The following BTBD18 variants were observed in gnomAD, a reference collection of about 807,000 sequenced individuals.
BTBD18 encodes BTB domain containing 18.
For missense variants in BTBD18, 787 were observed against 846.3 expected (o/e 0.93, Z 0.87); for synonymous variants, 311 against 324.4 (o/e 0.96, Z 0.44).
chr11:57,745,635 G>C lies in BTBD18; in HGVS notation c.638C>G (p.Ala213Gly). 1.3e-6 allele frequency: 2 copies of C among 1,551,646 alleles called. No individual in the cohort carries two copies. Among genetic ancestry groups the C allele is most frequent in the Non-Finnish European group, 1.7e-6 (2 of 1,146,978 alleles). ...GTLLLKRKAR[A>G]CPTPQEKNSS... ...GTTTTTTTCTTGTGGAGTTGGGCAG[G>C]CTCTGGCCTTCCTCTTGAGCAGAAG... Residue 213 changes from alanine (A) to glycine (G), a missense_variant, in exon 3 of 3, where the codon GCC (alanine) becomes GGC (glycine). Transcript: ENST00000422652.
Position 57,745,218 on chromosome 11 carries a change from T to C in BTBD18, c.1055A>G (p.Glu352Gly), listed in dbSNP as rs201912857. The change falls in exon 3 of 3, where the codon GAG (glutamate) becomes GGG (glycine). Residue 352 changes from glutamate (E) to glycine (G), a missense_variant. Physicochemically the swap from Glu to Gly is moderately conservative, Grantham distance 98. Coordinates refer to ENST00000422652, the MANE Select transcript of BTBD18 (RefSeq NM_001145101.3). ...VRAPNSDSAE[E>G]GQVGRVKLRK... ...AAGTTTAACTCTCCCAACCTGCCCC[T>C]CCTCTGCAGAGTCTGAGTTAGGTGC... 2,455 of 1,551,650 alleles carry C rather than the reference T, an allele frequency of 1.6e-3. 4 individuals are homozygous for C. Among genetic ancestry groups the C allele is most frequent in the Non-Finnish European group, 2.0e-3 (2,315 of 1,146,968 alleles).
rs1949177718 is a variant in BTBD18, at chr11:57,745,780, T to G, written c.493A>C (p.Thr165Pro). The change falls in exon 3 of 3, where the codon ACC becomes CCC. Residue 165 changes from threonine to proline, a missense_variant. Coordinates refer to ENST00000422652, the MANE Select transcript of BTBD18 (RefSeq NM_001145101.3). ...RVVTPSHHPHTPLPTNQTPCP... is the reference protein window; with the variant it reads ...RVVTPSHHPHPPLPTNQTPCP... The stretch of plus-strand genomic sequence containing the variant: ...GGAGTTTGATTAGTGGGCAGTGGGG[T>G]GTGAGGGTGGTGGCTGGGTGTCACC... 1.3e-6 allele frequency: 2 copies of G among 1,551,314 alleles called. No homozygotes were observed. The highest frequency in any genetic ancestry group is 1.7e-6 in the Non-Finnish European group (2 of 1,146,934).
In BTBD18 at chr11:57,744,174, G is replaced by C; in HGVS notation, c.2099C>G (p.Pro700Arg). Residue 700 changes from proline to arginine, a missense_variant, in exon 3 of 3, where the codon CCT (proline) becomes CGT (arginine). By Grantham distance (103) the Pro-to-Arg change is moderately radical (BLOSUM62 -2). Transcript: ENST00000422652. ...PTTVPSVWPD[P>R]SSESETEVDI... ...TACCTCTGTTTCTGACTCTGAGGAA[G>C]GGTCAGGCCACACGGAGGGAACAGT... 1 of 1,551,442 alleles carries C rather than the reference G, an allele frequency of 6.4e-7. No homozygotes were observed. The highest frequency in any genetic ancestry group is 8.7e-7 in the Non-Finnish European group (1 of 1,146,880).
At position 57,744,714 on chromosome 11, in the gene BTBD18, T is replaced by G; in HGVS notation, c.1559A>C (p.Glu520Ala). The G allele has an allele frequency of 6.4e-7, 1 of 1,551,720 alleles. No homozygotes were observed. Among genetic ancestry groups the G allele is most frequent in the East Asian group, 2.4e-5 (1 of 40,924 alleles). Residue 520 changes from glutamate to alanine, a missense_variant, in exon 3 of 3, where the codon GAG becomes GCG. Transcript: ENST00000422652. ...PIGSLESPGAEGCRTPTYHLT... is the reference protein window; with the variant it reads ...PIGSLESPGAAGCRTPTYHLT... ...ATGGTAGGTAGGCGTTCTGCAGCCCTCAGCCCCTGGACTCTCCAGAGACCC... is the reference window on the plus strand; with the variant it reads ...ATGGTAGGTAGGCGTTCTGCAGCCCGCAGCCCCTGGACTCTCCAGAGACCC...
At chr11:57,746,619 C>G (rs145408852) in intron 2 of BTBD18, among the ~76,000 whole-genome samples, 1 of 152,184 alleles carries the variant, frequency 6.6e-6, no homozygotes, top group South Asian at 2.1e-4. Flanking sequence ...CCACCGTGTC[C>G]AGCCCGCTAC....
At position 57,744,932 on chromosome 11, in the gene BTBD18, C is replaced by T. The variant is rs769269326; in HGVS notation, c.1341G>A (p.Glu447=). The T allele has an allele frequency of 1.5e-4, 236 of 1,551,350 alleles. No individual in the cohort carries two copies. The highest frequency in any genetic ancestry group is 2.0e-4 in the Non-Finnish European group (227 of 1,146,858). Reference sequence around the variant, plus strand: ...CCTTCTCTACCAGTTCTGGACTGGACTCAAACTCTGACTTCACCACTGGGT... The same window carrying T: ...CCTTCTCTACCAGTTCTGGACTGGATTCAAACTCTGACTTCACCACTGGGT... ...PDHPVVKSEF[E]SSPELVEKEP... is the part of the protein sequence containing the mutation. Residue 447 remains glutamate, a synonymous_variant, in exon 3 of 3, where the codon GAG becomes GAA. Coordinates refer to ENST00000422652, the MANE Select transcript of BTBD18 (RefSeq NM_001145101.3).
chr11:57,751,335 T>C (rs1949303342), intron 1 of BTBD18, 99 bp from the exon 2 acceptor site: 1 of 588,962 alleles, frequency 1.7e-6, no homozygotes, highest in Non-Finnish European at 2.8e-6. Context: ...GATAATAGTA[T>C]GAGTTGAGGA....
In BTBD18 at chr11:57,744,420, G is replaced by T. The variant is rs1263217824; in HGVS notation, c.1853C>A (p.Thr618Asn). Residue 618 changes from threonine (T) to asparagine (N), a missense_variant, in exon 3 of 3, where the codon ACT (threonine) becomes AAT (asparagine). By Grantham distance (65) the Thr-to-Asn change is moderately conservative. Transcript: ENST00000422652. The part of the protein sequence containing the change: ...DKLLHVSSLD[T>N]PQRSYGDLSP... Reference sequence around the variant, plus strand: ...GAGGTCCCCATAAGACCTCTGGGGAGTATCAAGGGAGCTGACATGGAGAAG... The same window carrying T: ...GAGGTCCCCATAAGACCTCTGGGGATTATCAAGGGAGCTGACATGGAGAAG... 2 of 1,551,676 alleles carry T rather than the reference G, an allele frequency of 1.3e-6. No individual in the cohort carries two copies.
upstream of BTBD18, among the ~76,000 whole-genome samples, chr11:57,751,970 T>C (rs1159317731): frequency 1.3e-5 from 2 of 152,180 alleles, no homozygotes; most frequent in African/African-American, 2.4e-5. Context: ...TGACTGACCC[T>C]GGTAGTAGGC....
chr11:57,743,595 AGTACAT>A lies in BTBD18; in HGVS notation c.*533_*538del, dbSNP rs1275681399. 6.6e-6 allele frequency: 1 copy of A among 152,328 alleles called. No individual in the cohort carries two copies. The highest frequency in any genetic ancestry group is 1.5e-5 in the Non-Finnish European group (1 of 68,106). 9.4% of individuals were successfully genotyped at this position (152,328 alleles called of 1,614,324 possible). A position where few individuals can be genotyped will look rare whatever the true frequency, so the allele number is the denominator to read the frequency against. On this transcript the variant is annotated 3_prime_UTR_variant, in exon 3 of 3. Coordinates refer to ENST00000422652, the MANE Select transcript of BTBD18 (RefSeq NM_001145101.3). Reference sequence around the variant, plus strand: ...CTTACTTTTTGGAAGTAATGATGGAAGTACATCTTCTTGGCCCCTGCAGAGGTTTTA... The same window carrying A: ...CTTACTTTTTGGAAGTAATGATGGAACTTCTTGGCCCCTGCAGAGGTTTTA...
chr11:57,745,491 C>A lies in BTBD18; in HGVS notation c.782G>T (p.Arg261Ile), dbSNP rs764057238. The change falls in exon 3 of 3, where the codon AGA becomes ATA. Residue 261 changes from arginine to isoleucine, a missense_variant. By Grantham distance (97) the Arg-to-Ile change is moderately conservative (BLOSUM62 -3). Transcript: ENST00000422652. ...YPSVDKHLLP[R>I]KIRLSRSKPS... ...CTTTGAGCGACTGAGCCTGATCTTT[C>A]TGGGCAACAGGTGTTTGTCCACAGA... 6.5e-7 allele frequency: 1 copy of A among 1,549,886 alleles called. No homozygotes were observed. The highest frequency in any genetic ancestry group is 1.2e-5 in the South Asian group (1 of 84,062).
rs1160017377 is a variant in BTBD18, at chr11:57,745,195, G to T, written c.1078C>A (p.Leu360Ile). Residue 360 changes from leucine (L) to isoleucine (I), a missense_variant, in exon 3 of 3, where the codon CTT (leucine) becomes ATT (isoleucine). Coordinates refer to ENST00000422652, the MANE Select transcript of BTBD18 (RefSeq NM_001145101.3). Reference sequence around the variant, plus strand: ...CAAGTCCCATTGACAATCTTCCTAAGTTTAACTCTCCCAACCTGCCCCTCC... The same window carrying T: ...CAAGTCCCATTGACAATCTTCCTAATTTTAACTCTCCCAACCTGCCCCTCC... ...AEEGQVGRVKLRKIVNGTCWE... is the reference protein window; with the variant it reads ...AEEGQVGRVKIRKIVNGTCWE... 1.3e-6 allele frequency: 2 copies of T among 1,551,680 alleles called. No homozygotes were observed. The highest frequency in any genetic ancestry group is 3.9e-5 in the Admixed American group (2 of 51,002).
Position 57,745,387 on chromosome 11 carries a change from G to A in BTBD18, c.886C>T (p.Arg296Cys), listed in dbSNP as rs1006957962. 1.3e-6 allele frequency: 2 copies of A among 1,551,678 alleles called. No homozygotes were observed. The highest frequency in any genetic ancestry group is 1.4e-5 in the African/African-American group (1 of 73,154). Residue 296 changes from arginine to cysteine, a missense_variant, in exon 3 of 3, where the codon CGT becomes TGT. Transcript: ENST00000422652. Reference sequence around the variant, plus strand: ...TTTACACTCCTCTGCCGCCAAAGACGCCGGCCAGGGGTTGCAGGCACTGAG... The same window carrying A: ...TTTACACTCCTCTGCCGCCAAAGACACCGGCCAGGGGTTGCAGGCACTGAG... Reference protein sequence around the residue: ...SSSVPATPGRRLWRQRSVNKE... With the variant: ...SSSVPATPGRCLWRQRSVNKE...
At position 57,745,155 on chromosome 11, in the gene BTBD18, T is replaced by C. The variant is rs1423074466; in HGVS notation, c.1118A>G (p.Gln373Arg). ...IVNGTCWEVVQETPLKNTQDS... is the reference protein window; with the variant it reads ...IVNGTCWEVVRETPLKNTQDS... Reference sequence around the variant, plus strand: ...TTGAGTGTTTTTGAGAGGAGTCTCTTGTACCACTTCCCAGCAAGTCCCATT... The same window carrying C: ...TTGAGTGTTTTTGAGAGGAGTCTCTCGTACCACTTCCCAGCAAGTCCCATT... Residue 373 changes from glutamine (Q) to arginine (R), a missense_variant, in exon 3 of 3, where the codon CAA (glutamine) becomes CGA (arginine). Physicochemically the swap from Gln to Arg is conservative, Grantham distance 43. Transcript: ENST00000422652. 15 of 1,551,558 alleles carry C rather than the reference T, an allele frequency of 9.7e-6. No homozygotes were observed. The highest frequency in any genetic ancestry group is 1.3e-5 in the Non-Finnish European group (15 of 1,146,998).
rs1480818014 is a variant in BTBD18, at chr11:57,744,436, C to T, written c.1837G>A (p.Val613Ile). Residue 613 changes from valine (V) to isoleucine (I), a missense_variant, in exon 3 of 3, where the codon GTC becomes ATC. Coordinates refer to ENST00000422652, the MANE Select transcript of BTBD18 (RefSeq NM_001145101.3). ...CTCTGGGGAGTATCAAGGGAGCTGA[C>T]ATGGAGAAGTTTGTCTTCCTGACCA... ...LDGQEDKLLHVSSLDTPQRSY... is the reference protein window; with the variant it reads ...LDGQEDKLLHISSLDTPQRSY... 2.6e-6 allele frequency: 4 copies of T among 1,551,682 alleles called. No individual in the cohort carries two copies. The highest frequency in any genetic ancestry group is 4.9e-5 in the East Asian group (2 of 40,920).
Position 57,744,979 on chromosome 11 carries a change from A to G in BTBD18, c.1294T>C (p.Ser432Pro). ...MCTKLQDILVSASHSPDHPVV... is the reference protein window; with the variant it reads ...MCTKLQDILVPASHSPDHPVV... ...GGGTGGTCTGGGGAGTGGCTAGCAG[A>G]GACCAGAATGTCTTGTAGCTTAGTG... The change falls in exon 3 of 3, where the codon TCT (serine) becomes CCT (proline). Residue 432 changes from serine to proline, a missense_variant. Coordinates refer to ENST00000422652, the MANE Select transcript of BTBD18 (RefSeq NM_001145101.3). The G allele has an allele frequency of 3.2e-6, 5 of 1,551,682 alleles. No homozygotes were observed. The East Asian group carries it at 1.2e-4, about 38-fold the overall frequency.
upstream of BTBD18, among the ~76,000 whole-genome samples, chr11:57,752,293 G>C (rs1404104639): frequency 3.9e-5 from 6 of 152,278 alleles, no homozygotes; most frequent in East Asian, 1.2e-3. Flanking sequence ...CCAGCACTTT[G>C]GGAGGCCGAG....
upstream of BTBD18, among the ~76,000 whole-genome samples, chr11:57,752,934 G>A (rs1949344529): frequency 6.6e-6 from 1 of 152,264 alleles, no homozygotes; most frequent in Non-Finnish European, 1.5e-5. Flanking sequence ...GAGGGTTTCT[G>A]GGAATGGACC....
Position 57,745,144 on chromosome 11 carries a change from G to C in BTBD18, c.1129C>G (p.Leu377Val), listed in dbSNP as rs1478758309. The change falls in exon 3 of 3, where the codon CTC (leucine) becomes GTC (valine). Residue 377 changes from leucine to valine, a missense_variant. Transcript: ENST00000422652. ...TCWEVVQETP[L>V]KNTQDSPQIP... ...TGGGGGCTATCTTGAGTGTTTTTGA[G>C]AGGAGTCTCTTGTACCACTTCCCAG... 1 of 1,551,552 alleles carries C rather than the reference G, an allele frequency of 6.4e-7. No individual in the cohort carries two copies. The highest frequency in any genetic ancestry group is 8.7e-7 in the Non-Finnish European group (1 of 1,146,990).
Sources: allele counts gnomAD v4.1 joint callset (sites outside exome capture counted in the v4.1 genomes callset), GRCh38; gene constraint gnomAD v4.1.1; transcripts MANE v1.5; gene names NCBI Gene and HGNC (gene_info 2026-07-23, HGNC 2026-07-21).